CFAP47: variants seen among roughly 807,000 people sequenced by gnomAD.
CFAP47 encodes the protein cilia- and flagella-associated protein 47.
Under a neutral mutation model 148.1 loss-of-function variants are expected in CFAP47, and 29 were observed. The ratio of observed to expected loss-of-function variants is 0.20; its 90% CI spans 0.15 to 0.27. CFAP47 has a LOEUF of 0.27. CFAP47 is among the 10% of genes least tolerant of loss of function. The pLI is 1.00. For missense variants in CFAP47, 1,872 were observed against 1,697.5 expected (o/e 1.10, Z -1.81); for synonymous variants, 664 against 577.3 (o/e 1.15, Z -2.15).
chrX:35,983,626 A>G (rs1018706802), intron 15 of CFAP47, among the ~76,000 whole-genome samples: 1 of 111,394 alleles, frequency 9.0e-6, no homozygotes, highest in Non-Finnish European at 1.9e-5. Flanking sequence ...TATTATTTTG[A>G]GATGTGTTTC....
chrX:36,371,812 A>G (rs1231394862), intron 62 of CFAP47, among the ~76,000 whole-genome samples: 1 of 67,969 alleles, frequency 1.5e-5, no homozygotes, highest in South Asian at 1.0e-3. Flanking sequence ...ACATGTATAT[A>G]TGTGTGCATA....
At position 36,010,462 on chromosome X, in the gene CFAP47, G is replaced by T. The variant is rs187481904; in HGVS notation, c.3418-4312G>T. Among the ~76,000 whole-genome samples, 571 of 97,466 alleles carry T rather than the reference G, an allele frequency of 5.9e-3. 5 individuals carry two copies. Among genetic ancestry groups the T allele is most frequent in the African/African-American group, 0.02 (545 of 27,036 alleles). The allele number at this position is 97,466 out of a possible 115,157, so 84.6% of individuals were successfully genotyped here. On this transcript the variant is annotated intron_variant, in intron 21 of 63. Transcript: ENST00000378653. ...TGTCAGACTAGTTTAAAGTTTTGTCGTTTTTTTTTTTTTGAGATGGAGTCT... is the reference window on the plus strand; with the variant it reads ...TGTCAGACTAGTTTAAAGTTTTGTCTTTTTTTTTTTTTTGAGATGGAGTCT...
chrX:36,195,470 A>C (rs1282841930), intron 42 of CFAP47, among the ~76,000 whole-genome samples: 2 of 112,234 alleles, frequency 1.8e-5, no homozygotes, highest in East Asian at 5.6e-4. Context: ...ATTATTTATA[A>C]TCATTATAAT....
intron 62 of CFAP47, among the ~76,000 whole-genome samples, chrX:36,370,939 C>A (rs1450524241): frequency 9.0e-6 from 1 of 111,242 alleles, no homozygotes. Context: ...AGATGCATGA[C>A]AAACCCCATG....
At chrX:36,343,267 G>A (rs62592505) in intron 57 of CFAP47, among the ~76,000 whole-genome samples, 11,803 of 111,305 alleles carry the variant, frequency 0.11, 517 homozygotes, top group East Asian at 0.26. Context: ...CAAAAAGTGG[G>A]TGAAGGATAT....
At chrX:36,174,380 A>G (rs1394210822) in intron 39 of CFAP47, among the ~76,000 whole-genome samples, 2 of 106,826 alleles carry the variant, frequency 1.9e-5, no homozygotes, top group Non-Finnish European at 3.9e-5. Context: ...TAGTTGATGC[A>G]GTTTCTTCCT....
intron 49 of CFAP47, among the ~76,000 whole-genome samples, chrX:36,259,071 A>T (rs1474907559): frequency 1.8e-5 from 2 of 111,236 alleles, no homozygotes; most frequent in Non-Finnish European, 3.8e-5. Context: ...ATGGAAATAT[A>T]TGAAAACTGT....
At chrX:36,236,958 C>T in intron 48 of CFAP47, 99 bp downstream of exon 48, 1 of 421,285 alleles carries the variant, frequency 2.4e-6, no homozygotes, top group Non-Finnish European at 4.2e-6. Flanking sequence ...TTTAGTTTTA[C>T]TTAATCAGTT....
intron 37 of CFAP47, among the ~76,000 whole-genome samples, chrX:36,152,267 G>T (rs1939316569): frequency 1.8e-5 from 2 of 111,671 alleles, no homozygotes; most frequent in Admixed American, 9.5e-5. Flanking sequence ...GTTGCCTTTT[G>T]TATATGTCTT....
intron 48 of CFAP47, among the ~76,000 whole-genome samples, chrX:36,247,196 T>A (rs1940626467): frequency 9.0e-6 from 1 of 111,591 alleles, no homozygotes; most frequent in Non-Finnish European, 1.9e-5. Context: ...ATACTGCAAT[T>A]TGTCACTTAC....
At chrX:36,324,194 A>G (rs1451953059) in intron 57 of CFAP47, among the ~76,000 whole-genome samples, 1 of 112,020 alleles carries the variant, frequency 8.9e-6, no homozygotes, top group East Asian at 2.8e-4. Flanking sequence ...CAAAGCTAAT[A>G]AAGTTATAGG....
chrX:36,070,051 A>G (rs1937718277), intron 27 of CFAP47, among the ~76,000 whole-genome samples: 1 of 111,845 alleles, frequency 8.9e-6, no homozygotes, highest in African/African-American at 3.2e-5. Flanking sequence ...CTGAGGCTCA[A>G]TTCTATGAAG....
At chrX:36,333,820 G>A (rs1471687194) in intron 57 of CFAP47, among the ~76,000 whole-genome samples, 1 of 110,608 alleles carries the variant, frequency 9.0e-6, no homozygotes, top group African/African-American at 3.3e-5. Context: ...CTCACAACTT[G>A]CCCTTTCTCA....
rs376682738 is a variant in CFAP47 at position 36,138,330 on chromosome X, ATTT to A, written c.5419-7_5419-5del. The A allele has an allele frequency of 1.1e-6, 1 of 871,447 alleles. No homozygotes were observed. 71.8% of individuals were successfully genotyped at this position (871,447 alleles called of 1,213,427 possible). A position where few individuals can be genotyped will look rare whatever the true frequency, so the allele number is the denominator to read the frequency against. ...TTTTATTCCATTACCAAAAGGTTTG[ATTT>A]TTTTTTTTTTACAGATTGAGTCTCA... On this transcript the variant is annotated splice_polypyrimidine_tract_variant and intron_variant, in intron 34 of 63. Transcript: ENST00000378653.
chrX:36,056,404 A>G (rs1707857005), intron 26 of CFAP47, among the ~76,000 whole-genome samples: 1 of 111,812 alleles, frequency 8.9e-6, no homozygotes, highest in South Asian at 3.7e-4. Flanking sequence ...GTGCTTTACA[A>G]AGGGCTTCGC....
chrX:36,369,914 C>A (rs1346001365), intron 62 of CFAP47, among the ~76,000 whole-genome samples: 1 of 111,215 alleles, frequency 9.0e-6, no homozygotes, highest in South Asian at 3.8e-4. Flanking sequence ...AAAGAATGTG[C>A]AGGCTTGCCA....
At chrX:36,170,037 T>A (rs1939547290) in intron 39 of CFAP47, among the ~76,000 whole-genome samples, 1 of 111,630 alleles carries the variant, frequency 9.0e-6, no homozygotes, top group African/African-American at 3.3e-5. Flanking sequence ...CTACAGAGTT[T>A]TACAACTTCC....
chrX:36,171,291 C>A (rs1456276172), intron 39 of CFAP47, among the ~76,000 whole-genome samples: 2 of 109,720 alleles, frequency 1.8e-5, no homozygotes, highest in Non-Finnish European at 3.8e-5. Context: ...TGCAGAAGCT[C>A]TTGAGTTTAA....
chrX:36,200,936 T>G lies in CFAP47; in HGVS notation c.6437-338T>G, dbSNP rs192591563. The stretch of plus-strand genomic sequence containing the variant: ...ACAGTTCTTGGGAGTTTTTGACAGG[T>G]GTCTTTTTTTTTTCCACATTTATGT... On this transcript the variant is annotated intron_variant, in intron 43 of 63. Coordinates refer to ENST00000378653, the MANE Select transcript of CFAP47 (RefSeq NM_001304548.2). Among the ~76,000 whole-genome samples, 44 of 110,655 alleles carry G rather than the reference T, an allele frequency of 4.0e-4. No homozygotes were observed. The East Asian group carries it at 0.012, about 31-fold the overall frequency.
Sources: gnomAD v4.1 joint callset for allele counts (sites outside exome capture counted in the v4.1 genomes callset) on GRCh38, gnomAD v4.1.1 for gene constraint, MANE v1.5 for transcripts, NCBI Gene and HGNC (gene_info 2026-07-23, HGNC 2026-07-21) for gene names.